CHDH: variants seen among roughly 807,000 people sequenced by gnomAD.
The protein encoded by CHDH is choline dehydrogenase, mitochondrial.
Under a neutral mutation model 56.9 loss-of-function variants are expected in CHDH, and 43 were observed. The ratio of observed to expected loss-of-function variants is 0.76; its 90% CI spans 0.59 to 0.97. The LOEUF is 0.97. Ranked by LOEUF, CHDH falls within the 50% of genes least tolerant of loss-of-function variation. The pLI, the probability that CHDH is intolerant of heterozygous loss-of-function variation, is 0.00. For synonymous variants in CHDH, 364 were observed against 348.5 expected (o/e 1.04, Z -0.50); for missense variants, 816 against 821.1 (o/e 0.99, Z 0.08).
rs989377301 is a variant in CHDH, at chr3:53,819,843, C to T, written c.1121-169G>A. ...ACATCTGTTCACCCCTCACAGGGGG[C>T]TCACCCAGCACCACACCATAAAATG... On this transcript the variant is annotated intron_variant, in intron 6 of 8. Coordinates refer to ENST00000315251, the MANE Select transcript of CHDH (RefSeq NM_018397.5). The surrounding 1 kb of genome is among the most constrained non-coding windows in gnomAD (Gnocchi z 5.4). Among the ~76,000 whole-genome samples, 1 of 152,220 alleles carries T rather than the reference C, an allele frequency of 6.6e-6. No homozygotes were observed. Among genetic ancestry groups the T allele is most frequent in the Non-Finnish European group, 1.5e-5 (1 of 68,042 alleles).
intron 5 of CHDH, among the ~76,000 whole-genome samples, chr3:53,820,986 C>T (rs746850968): frequency 6.6e-6 from 1 of 152,380 alleles, no homozygotes. Flanking sequence ...CCCACCCTCA[C>T]GCCAGCGTGG....
intron 2 of CHDH, among the ~76,000 whole-genome samples, chr3:53,837,494 G>T (rs1173969720): frequency 1.3e-5 from 2 of 152,242 alleles, no homozygotes; most frequent in Non-Finnish European, 1.5e-5. Context: ...TCAGAGCTCT[G>T]CCAGGCCGCA....
rs957171146 is a variant in CHDH, at chr3:53,814,667, G to A, written c.*3110C>T. 1 of 151,560 alleles carries A rather than the reference G, an allele frequency of 6.6e-6. No homozygotes were observed. The highest frequency in any genetic ancestry group is 1.5e-5 in the Non-Finnish European group (1 of 67,882). The allele number at this position is 151,560 out of a possible 1,614,324, so 9.4% of individuals were successfully genotyped here. A position where few individuals can be genotyped will look rare whatever the true frequency, so the allele number is the denominator to read the frequency against. On this transcript the variant is annotated 3_prime_UTR_variant, in exon 9 of 9. Coordinates refer to ENST00000315251, the MANE Select transcript of CHDH (RefSeq NM_018397.5). The stretch of plus-strand genomic sequence containing the variant: ...TGGGTGGAGAAGAATCTGTTTTTTT[G>A]TTGTTTTTTTTTGAGACAGTCTCAC...
intron 2 of CHDH, among the ~76,000 whole-genome samples, chr3:53,827,289 A>G (rs1267771594): frequency 6.6e-6 from 1 of 151,936 alleles, no homozygotes. Flanking sequence ...CTCTCTTCCT[A>G]CTGCTCCAGC....
rs571761850 is a variant in CHDH at position 53,817,412 on chromosome 3, G to C, written c.*365C>G. 8.6e-5 allele frequency: 20 copies of C among 232,038 alleles called. No homozygotes were observed. The highest frequency in any genetic ancestry group is 4.3e-4 in the African/African-American group (19 of 44,446). The allele number at this position is 232,038 out of a possible 1,614,324, so 14.4% of individuals were successfully genotyped here. A position where few individuals can be genotyped will look rare whatever the true frequency, so the allele number is the denominator to read the frequency against. On this transcript the variant is annotated 3_prime_UTR_variant, in exon 9 of 9. Transcript: ENST00000315251. ...GGTCTGGCAGGCACCCAGCCTCTGT[G>C]CATGGCCTGGGAAGGAACCACTGCC...
chr3:53,834,066 C>T (rs1422618530), intron 2 of CHDH, among the ~76,000 whole-genome samples: 3 of 152,330 alleles, frequency 2.0e-5, no homozygotes, highest in South Asian at 2.1e-4. Flanking sequence ...GGGGCCACCA[C>T]GTCCTACTGG....
chr3:53,823,953 A>AG lies in CHDH; in HGVS notation c.55dup (p.Leu19ProfsTer18). ...GGCACCCAGGGATTGCTGCTGCCCC[A>AG]GGGCTCCCCGTGCCAGGGCTCCAGG... On this transcript the variant is annotated frameshift_variant, in exon 3 of 9. Coordinates refer to ENST00000315251, the MANE Select transcript of CHDH (RefSeq NM_018397.5). LOFTEE classifies it high-confidence loss of function. 1 of 1,520,646 alleles carries AG rather than the reference A, an allele frequency of 6.6e-7. No individual in the cohort carries two copies. Among genetic ancestry groups the AG allele is most frequent in the Non-Finnish European group, 8.8e-7 (1 of 1,140,320 alleles). 94.2% of individuals were successfully genotyped at this position (1,520,646 alleles called of 1,614,324 possible).
In CHDH at chr3:53,822,637, GT is replaced by G; in HGVS notation, c.708del (p.Lys236AsnfsTer14). On this transcript the variant is annotated frameshift_variant, in exon 4 of 9. Coordinates refer to ENST00000315251, the MANE Select transcript of CHDH (RefSeq NM_018397.5). LOFTEE classifies it high-confidence loss of function. ...AGGTAGGCACAGGCCGCGCTCCACC[GT>G]TTGCCTGCAGGATGGAGTGAGGTGG... ...GWMDMTIHEG[K>X]RWSAACAYLH... The G allele has an allele frequency of 6.2e-7, 1 of 1,607,678 alleles. No homozygotes were observed. Among genetic ancestry groups the G allele is most frequent in the Non-Finnish European group, 8.5e-7 (1 of 1,178,956 alleles).
intron 5 of CHDH, 30 bp downstream of exon 5, chr3:53,821,617 C>G (rs1256151575): frequency 6.2e-7 from 1 of 1,604,512 alleles, no homozygotes. Flanking sequence ...CAGAGACAGC[C>G]TCTGGGGAGC....
At position 53,820,676 on chromosome 3, in the gene CHDH, C is replaced by G. The variant is rs1026910948; in HGVS notation, c.986-68G>C. ...GCTCAGCTGCTTCTCAATATCCCCCCGGTTTTGAAAAATTCTTTCCTATTC... is the reference window on the plus strand; with the variant it reads ...GCTCAGCTGCTTCTCAATATCCCCCGGGTTTTGAAAAATTCTTTCCTATTC... On this transcript the variant is annotated intron_variant, in intron 5 of 8. Coordinates refer to ENST00000315251, the MANE Select transcript of CHDH (RefSeq NM_018397.5). 4.5e-6 allele frequency: 7 copies of G among 1,549,444 alleles called. No homozygotes were observed. In the African/African-American group the frequency reaches 6.9e-5, roughly 15 times the overall value.
chr3:53,824,639 G>C (rs1196913168), intron 2 of CHDH, among the ~76,000 whole-genome samples: 2 of 152,232 alleles, frequency 1.3e-5, no homozygotes, highest in Non-Finnish European at 1.5e-5. Context: ...GGGAGCACTA[G>C]AGGGATTTGA....
Position 53,819,133 on chromosome 3 carries a change from C to A in CHDH, c.1264-93G>T. 1.2e-6 allele frequency: 1 copy of A among 840,418 alleles called. No homozygotes were observed. Among genetic ancestry groups the A allele is most frequent in the Non-Finnish European group, 1.9e-6 (1 of 519,674 alleles). The allele number at this position is 840,418 out of a possible 1,614,324, so 52.1% of individuals were successfully genotyped here. On this transcript the variant is annotated intron_variant, in intron 7 of 8. Transcript: ENST00000315251. The surrounding 1 kb of genome is among the most constrained non-coding windows in gnomAD (Gnocchi z 5.4). Reference sequence around the variant, plus strand: ...GGTTTACCTGTAGGGTGGGCCTCTGCTTCCAGAATCAGTGGGGAACAGATG... The same window carrying A: ...GGTTTACCTGTAGGGTGGGCCTCTGATTCCAGAATCAGTGGGGAACAGATG...
chr3:53,821,548 A>C lies in CHDH; in HGVS notation c.985+99T>G, dbSNP rs1576780162. 5 of 1,071,296 alleles carry C rather than the reference A, an allele frequency of 4.7e-6. No individual in the cohort carries two copies. The East Asian group carries it at 1.2e-4, about 25-fold the overall frequency. The allele number at this position is 1,071,296 out of a possible 1,614,324, so 66.4% of individuals were successfully genotyped here. ...AATGTGATAGTTCCAAGGATCACTG[A>C]CTGCCACCACCTCCCCACTTCATGC... On this transcript the variant is annotated intron_variant, in intron 5 of 8. Transcript: ENST00000315251.
chr3:53,825,705 A>T (rs1486405302), intron 2 of CHDH, among the ~76,000 whole-genome samples: 1 of 152,196 alleles, frequency 6.6e-6, no homozygotes, highest in Admixed American at 6.5e-5. Flanking sequence ...GTAGTGCAAG[A>T]CAAAACACTA....
chr3:53,839,941 G>A (rs1050854110), intron 2 of CHDH, among the ~76,000 whole-genome samples: 26 of 152,212 alleles, frequency 1.7e-4, no homozygotes, highest in Admixed American at 6.5e-4. Context: ...AGGTCGTTAT[G>A]TTAAGTGAAA....
intron 2 of CHDH, among the ~76,000 whole-genome samples, chr3:53,828,457 A>G (rs1249400869): frequency 6.6e-6 from 1 of 152,246 alleles, no homozygotes; most frequent in African/African-American, 2.4e-5. Flanking sequence ...AAGAGAATTA[A>G]TAGACAAGTC....
At chr3:53,824,319 CCT>C (rs1481610713) in intron 2 of CHDH, among the ~76,000 whole-genome samples, 9 of 152,216 alleles carry the variant, frequency 5.9e-5, no homozygotes, top group African/African-American at 2.2e-4. Flanking sequence ...TTCCCTGTGC[CCT>C]GTGTATGAAC....
intron 6 of CHDH, among the ~76,000 whole-genome samples, chr3:53,820,243 C>T (rs2095623638): frequency 6.6e-6 from 1 of 152,198 alleles, no homozygotes; most frequent in South Asian, 2.1e-4. Flanking sequence ...CTCCAGCAGG[C>T]CCTGGGCCAA....
chr3:53,838,248 A>G (rs1698565728), intron 2 of CHDH, among the ~76,000 whole-genome samples: 1 of 152,084 alleles, frequency 6.6e-6, no homozygotes, highest in African/African-American at 2.4e-5. Context: ...GCGCCCAGCC[A>G]TGGGTAGGAG....
Sources: allele counts gnomAD v4.1 joint callset (sites outside exome capture counted in the v4.1 genomes callset), GRCh38; gene constraint gnomAD v4.1.1; non-coding constraint Gnocchi (gnomAD v3.1); transcripts MANE v1.5; gene names NCBI Gene and HGNC (gene_info 2026-07-23, HGNC 2026-07-21).